KPNA1: variants seen among roughly 807,000 people sequenced by gnomAD.
The protein encoded by KPNA1 is importin subunit alpha-5.
KPNA1 carries 10 observed loss-of-function variants against 70.5 expected under a neutral mutation model. The ratio of observed to expected loss-of-function variants is 0.14; its 90% CI spans 0.09 to 0.24. The LOEUF is 0.24. KPNA1 is among the 10% of genes least tolerant of loss of function. KPNA1 has a pLI of 1.00. For missense variants in KPNA1, 397 were observed against 637.9 expected (o/e 0.62, Z 4.07); for synonymous variants, 192 against 221.9 (o/e 0.87, Z 1.20).
At chr3:122,457,179 C>T (rs1473327434) in intron 5 of KPNA1, among the ~76,000 whole-genome samples, 1 of 152,130 alleles carries the variant, frequency 6.6e-6, no homozygotes. Flanking sequence ...ATAGTCTGTA[C>T]TTTAAAGCTG....
At chr3:122,485,160 C>T (rs954890983) in intron 2 of KPNA1, among the ~76,000 whole-genome samples, 11 of 152,110 alleles carry the variant, frequency 7.2e-5, no homozygotes, top group African/African-American at 2.7e-4. Flanking sequence ...GCAATCTTCC[C>T]GCCTCGGCCT....
intron 1 of KPNA1, among the ~76,000 whole-genome samples, chr3:122,502,952 G>T (rs1404141552): frequency 4.6e-5 from 7 of 152,024 alleles, no homozygotes; most frequent in Non-Finnish European, 1.0e-4. Context: ...AAAAAAATTA[G>T]ACAGGCATGG....
Position 122,449,733 on chromosome 3 carries a change from G to A in KPNA1, c.758C>T (p.Ser253Phe), listed in dbSNP as rs751263599. Residue 253 changes from serine to phenylalanine, a missense_variant, in exon 9 of 14, where the codon TCT (serine) becomes TTT (phenylalanine). By Grantham distance (155) the Ser-to-Phe change is radical. Coordinates refer to ENST00000344337, the MANE Select transcript of KPNA1 (RefSeq NM_002264.4). ...CCAGGAAAGCACATTCAGACATGGA[G>A]AAACCTGTAAAAGGAAAATGATGAT... is the stretch of plus-strand genomic sequence containing the variant. Reference protein sequence around the residue: ...KSPPPEFAKVSPCLNVLSWLL... With the variant: ...KSPPPEFAKVFPCLNVLSWLL... The A allele has an allele frequency of 6.2e-7, 1 of 1,605,160 alleles. No homozygotes were observed. The highest frequency in any genetic ancestry group is 8.5e-7 in the Non-Finnish European group (1 of 1,177,498).
chr3:122,427,484 A>G (rs991883594), intron 13 of KPNA1, 54 bp downstream of exon 13: 8 of 1,532,278 alleles, frequency 5.2e-6, no homozygotes, highest in Non-Finnish European at 7.1e-6. Flanking sequence ...ACTGAACTCT[A>G]TCTATGACCC....
intron 10 of KPNA1, among the ~76,000 whole-genome samples, chr3:122,441,650 G>A (rs2076063959): frequency 1.3e-5 from 2 of 152,022 alleles, no homozygotes; most frequent in African/African-American, 4.8e-5. Flanking sequence ...GCCCAGGCTG[G>A]AGTGCAGTGG....
chr3:122,504,388 C>T (rs746277877), intron 1 of KPNA1, among the ~76,000 whole-genome samples: 5 of 152,118 alleles, frequency 3.3e-5, no homozygotes, highest in Non-Finnish European at 5.9e-5. Context: ...TTCATGAGGG[C>T]TCCATTTTCA....
At chr3:122,479,758 TCAA>T (rs201926187) in intron 2 of KPNA1, among the ~76,000 whole-genome samples, 2,046 of 152,152 alleles carry the variant, frequency 0.013, 34 homozygotes, top group Non-Finnish European at 0.017. Flanking sequence ...AGACTCTGTC[TCAA>T]CAACAACAAC....
rs1305492135 is a variant in KPNA1 at position 122,457,755 on chromosome 3, G to C, written c.432+3469C>G. On this transcript the variant is annotated intron_variant, in intron 5 of 13. Transcript: ENST00000344337. ...TATCAAGTTTCCCACTCCAGGTTGA[G>C]GTACGCCTGGTTCCCTTTCTCCATT... The C allele has an allele frequency of 2.3e-6, 3 of 1,289,672 alleles. No homozygotes were observed. In the Admixed American group the frequency reaches 6.9e-5, roughly 30 times the overall value. 79.9% of individuals were successfully genotyped at this position (1,289,672 alleles called of 1,614,324 possible).
At chr3:122,453,146 T>C (rs2076229958) in intron 6 of KPNA1, among the ~76,000 whole-genome samples, 1 of 152,104 alleles carries the variant, frequency 6.6e-6, no homozygotes, top group African/African-American at 2.4e-5. Context: ...GGTTTCGCCA[T>C]GTTGCCCTGG....
chr3:122,437,572 C>T (rs2076005540), intron 10 of KPNA1, among the ~76,000 whole-genome samples: 1 of 152,196 alleles, frequency 6.6e-6, no homozygotes, highest in African/African-American at 2.4e-5. Flanking sequence ...CATTCACCTT[C>T]CCATCCCAAT....
intron 1 of KPNA1, among the ~76,000 whole-genome samples, chr3:122,512,028 T>G (rs2076960679): frequency 6.6e-6 from 1 of 152,038 alleles, no homozygotes; most frequent in African/African-American, 2.4e-5. Flanking sequence ...CAACAGAGAA[T>G]AAAGAAAATA....
intron 1 of KPNA1, among the ~76,000 whole-genome samples, chr3:122,510,867 T>C (rs1559773256): frequency 6.6e-6 from 1 of 152,138 alleles, no homozygotes; most frequent in Non-Finnish European, 1.5e-5. Flanking sequence ...TTAATGTTGA[T>C]AAAACAAGGA....
chr3:122,452,183 T>C (rs2076208941), intron 6 of KPNA1, 119 bp from the exon 7 acceptor site: 8 of 754,274 alleles, frequency 1.1e-5, no homozygotes, highest in East Asian at 1.0e-4. Context: ...AGTTGTAGGA[T>C]TGGGGGAGGA....
chr3:122,460,995 C>T (rs966288300), intron 5 of KPNA1, among the ~76,000 whole-genome samples: 2 of 151,964 alleles, frequency 1.3e-5, no homozygotes, highest in African/African-American at 4.8e-5. Context: ...GTATTATCCA[C>T]AATCATAAAC....
chr3:122,510,882 G>C (rs1295725458), intron 1 of KPNA1, among the ~76,000 whole-genome samples: 1 of 152,062 alleles, frequency 6.6e-6, no homozygotes, highest in African/African-American at 2.4e-5. Context: ...CAAGGAACTT[G>C]AACAATCTCA....
intron 4 of KPNA1, among the ~76,000 whole-genome samples, chr3:122,463,695 C>T (rs1315706099): frequency 3.9e-5 from 6 of 152,140 alleles, no homozygotes; most frequent in Non-Finnish European, 8.8e-5. Flanking sequence ...CTACTATTCA[C>T]TATAAAGTCT....
intron 1 of KPNA1, among the ~76,000 whole-genome samples, chr3:122,502,015 G>A (rs1041909107): frequency 1.6e-4 from 25 of 152,140 alleles, no homozygotes; most frequent in South Asian, 4.1e-4. Context: ...TTACATATAC[G>A]AACATGATTT....
intron 2 of KPNA1, 34 bp downstream of exon 2, chr3:122,496,403 C>T (rs769085022): frequency 1.3e-6 from 2 of 1,593,602 alleles, no homozygotes; most frequent in South Asian, 2.2e-5. Context: ...ACATTAAATT[C>T]TTTAAAAGAA....
intron 2 of KPNA1, among the ~76,000 whole-genome samples, chr3:122,468,473 C>T (rs2076405732): frequency 6.6e-6 from 1 of 152,148 alleles, no homozygotes; most frequent in Admixed American, 6.5e-5. Flanking sequence ...AGGAGATCAG[C>T]ATTACTCTTA....
Sources: allele counts gnomAD v4.1 joint callset (sites outside exome capture counted in the v4.1 genomes callset), GRCh38; gene constraint gnomAD v4.1.1; transcripts MANE v1.5; gene names NCBI Gene and HGNC (gene_info 2026-07-23, HGNC 2026-07-21).